CHRNA6: variants seen among roughly 807,000 people sequenced by gnomAD.
The protein encoded by CHRNA6 is neuronal acetylcholine receptor subunit alpha-6.
In CHRNA6, 31 loss-of-function variants were observed where a neutral mutation model predicts 40.9. The observed-to-expected ratio is 0.76, with a 90% CI of 0.57 to 1.02. The LOEUF (loss-of-function observed/expected upper bound fraction) is 1.02, where lower values mean the gene tolerates loss of function less well. Among genes scored for constraint, CHRNA6 ranks in the 50% least tolerant of loss-of-function variants. The pLI is 0.00. For missense variants in CHRNA6, 546 were observed against 596.6 expected (o/e 0.92, Z 0.88); for synonymous variants, 222 against 221.3 (o/e 1.00, Z -0.03).
At chr8:42,757,412 C>T (rs572124211) in intron 3 of CHRNA6, among the ~76,000 whole-genome samples, 2 of 148,796 alleles carry the variant, frequency 1.3e-5, no homozygotes, top group South Asian at 4.3e-4. Context: ...TATGATGGTT[C>T]AACAGTTGTT....
At position 42,757,007 on chromosome 8, in the gene CHRNA6, G is replaced by A; in HGVS notation, c.295C>T (p.Pro99Ser). ...IWNDYKLRWD[P>S]MEYDGIETLR... ...GTCTCAATGCCATCATATTCCATTG[G>A]ATCCCAGCGCAATTTATAATCATTC... The change falls in exon 4 of 6, where the codon CCA becomes TCA. Residue 99 changes from proline (P) to serine (S), a missense_variant. Around this residue, in one of 3 missense-constraint regions of CHRNA6, gnomAD observed 476 missense variants for 494.5 expected, o/e 0.96. Transcript: ENST00000276410. The A allele has an allele frequency of 1.2e-6, 2 of 1,612,638 alleles. No individual in the cohort carries two copies. The highest frequency in any genetic ancestry group is 1.7e-6 in the Non-Finnish European group (2 of 1,178,678).
rs1315046323 is a variant in CHRNA6, at chr8:42,757,737, A to AC, written c.265-701_265-700insG. Among the ~76,000 whole-genome samples the AC allele has an allele frequency of 4.8e-5, 7 of 146,356 alleles. No individual in the cohort carries two copies. In the East Asian group the frequency reaches 1.4e-3, roughly 29 times the overall value. ...GACGGACCGGGACTCTGTCTCAAAA[A>AC]AAAAAAAAAAAAGTGGCCCGGCGCG... is the stretch of plus-strand genomic sequence containing the variant. On this transcript the variant is annotated intron_variant, in intron 3 of 5. Coordinates refer to ENST00000276410, the MANE Select transcript of CHRNA6 (RefSeq NM_004198.3).
At chr8:42,758,944 G>C (rs1428042854) in intron 3 of CHRNA6, 125 bp downstream of exon 3, 1 of 749,884 alleles carries the variant, frequency 1.3e-6, no homozygotes, top group African/African-American at 1.7e-5. Flanking sequence ...CTGAACTTTA[G>C]GCTTTGGAGA....
chr8:42,761,180 C>T (rs1816899113), intron 2 of CHRNA6, among the ~76,000 whole-genome samples: 1 of 152,336 alleles, frequency 6.6e-6, no homozygotes, highest in South Asian at 2.1e-4. Flanking sequence ...TGTGACAAGA[C>T]AGGGTAAGCC....
At chr8:42,762,780 C>A (rs556466040) in intron 2 of CHRNA6, among the ~76,000 whole-genome samples, 3 of 152,104 alleles carry the variant, frequency 2.0e-5, no homozygotes, top group Non-Finnish European at 4.4e-5. Flanking sequence ...AGGGAAAAAC[C>A]CAGTCCCACA....
intron 3 of CHRNA6, among the ~76,000 whole-genome samples, chr8:42,758,403 C>T (rs974608551): frequency 1.3e-5 from 2 of 151,720 alleles, no homozygotes; most frequent in African/African-American, 4.8e-5. Context: ...CTCTGTTGCC[C>T]ATGCTGGAAT....
chr8:42,763,199 G>A (rs1816929388), intron 2 of CHRNA6, among the ~76,000 whole-genome samples: 1 of 152,170 alleles, frequency 6.6e-6, no homozygotes, highest in Non-Finnish European at 1.5e-5. Flanking sequence ...ATGAAAGAAG[G>A]AAGGAATCTT....
At chr8:42,757,194 C>T (rs1816817167) in intron 3 of CHRNA6, among the ~76,000 whole-genome samples, 157 bp from the exon 4 acceptor site, 1 of 150,586 alleles carries the variant, frequency 6.6e-6, no homozygotes, top group African/African-American at 2.4e-5. Context: ...AGTGAAACCC[C>T]GTCTCTACTA....
intron 3 of CHRNA6, among the ~76,000 whole-genome samples, chr8:42,758,030 G>A (rs1403753916): frequency 1.3e-5 from 2 of 150,974 alleles, no homozygotes; most frequent in African/African-American, 4.9e-5. Flanking sequence ...GCGAGACTCC[G>A]TCTCAAAAAA....
At chr8:42,767,052 C>T (rs1329327429) in intron 1 of CHRNA6, among the ~76,000 whole-genome samples, 1 of 152,182 alleles carries the variant, frequency 6.6e-6, no homozygotes, top group Non-Finnish European at 1.5e-5. Context: ...ACTGCAAGCT[C>T]CGCCTCCCAG....
intron 5 of CHRNA6, 40 bp downstream of exon 5, chr8:42,755,806 A>T (rs911453425): frequency 1.3e-6 from 2 of 1,581,528 alleles, no homozygotes; most frequent in Non-Finnish European, 1.7e-6. Flanking sequence ...ATAGGCTGCA[A>T]AGGGTGCAAG....
In CHRNA6 at chr8:42,756,516, G is replaced by C. The variant is rs574697613; in HGVS notation, c.683C>G (p.Thr228Arg). The change falls in exon 5 of 6, where the codon ACA becomes AGA. Residue 228 changes from threonine (T) to arginine (R), a missense_variant. Coordinates refer to ENST00000276410, the MANE Select transcript of CHRNA6 (RefSeq NM_004198.3). ...IKYNCCEEIY[T>R]DITYSFYIRR... ...AATGTAGAAAGAATAGGTTATATCT[G>C]TGTATATCTCTTCACAACAGTTGTA... The C allele has an allele frequency of 2.0e-5, 33 of 1,613,838 alleles. 2 individuals are homozygous for C. The South Asian group carries it at 3.2e-4, about 16-fold the overall frequency.
chr8:42,758,914 C>A (rs548750463), intron 3 of CHRNA6, among the ~76,000 whole-genome samples, 155 bp downstream of exon 3: 1 of 152,290 alleles, frequency 6.6e-6, no homozygotes, highest in East Asian at 1.9e-4. Context: ...AAGCATGCAT[C>A]AAGTCAGCTA....
At chr8:42,759,729 C>A (rs1387650199) in intron 2 of CHRNA6, among the ~76,000 whole-genome samples, 1 of 152,030 alleles carries the variant, frequency 6.6e-6, no homozygotes, top group African/African-American at 2.4e-5. Context: ...GAAACCCCGT[C>A]TCTACTAAAA....
intron 3 of CHRNA6, among the ~76,000 whole-genome samples, chr8:42,757,829 C>T (rs112141486): frequency 0.015 from 2,231 of 149,956 alleles, 56 homozygotes; most frequent in African/African-American, 0.052. Flanking sequence ...GTCAGGAGAT[C>T]GAGACCATCC....
At position 42,756,009 on chromosome 8, in the gene CHRNA6, T is replaced by C. The variant is rs775098974; in HGVS notation, c.1190A>G (p.His397Arg). ...GEPRHLKECF[H>R]CHKSNELATS... The stretch of plus-strand genomic sequence containing the variant: ...GGCAAGCTCATTTGATTTGTGACAA[T>C]GGAAGCATTCTTTAAGATGTCTGGG... Residue 397 changes from histidine to arginine, a missense_variant, in exon 5 of 6, where the codon CAT becomes CGT. Physicochemically the swap from His to Arg is conservative, Grantham distance 29. Around this residue, in one of 3 missense-constraint regions of CHRNA6, gnomAD observed 476 missense variants for 494.5 expected, o/e 0.96. Transcript: ENST00000276410. The C allele has an allele frequency of 1.2e-6, 2 of 1,614,264 alleles. No individual in the cohort carries two copies. The highest frequency in any genetic ancestry group is 2.2e-5 in the East Asian group (1 of 44,882).
intron 2 of CHRNA6, among the ~76,000 whole-genome samples, chr8:42,760,925 G>A (rs1816896244): frequency 1.3e-5 from 2 of 152,140 alleles, no homozygotes; most frequent in South Asian, 4.1e-4. Flanking sequence ...TATGTCCCCA[G>A]TGGCCAGCAG....
chr8:42,755,797 T>C (rs1816788962), intron 5 of CHRNA6, 49 bp downstream of exon 5: 5 of 1,571,120 alleles, frequency 3.2e-6, no homozygotes, highest in South Asian at 1.2e-5. Flanking sequence ...AGAGTGCCCA[T>C]AGGCTGCAAA....
In CHRNA6 at chr8:42,756,416, G is replaced by A. The variant is rs1816801392; in HGVS notation, c.783C>T (p.Val261=). The change falls in exon 5 of 6, where the codon GTC becomes GTT. Residue 261 remains valine, a synonymous_variant. Transcript: ENST00000276410. ...CLFISFLTVL[V]FYLPSDCGEK... ...CACCACAGTCCGAAGGAAGGTAAAA[G>A]ACCAACACGGTTAGAAATGAAATAA... 6.2e-7 allele frequency: 1 copy of A among 1,614,084 alleles called. No homozygotes were observed. Among genetic ancestry groups the A allele is most frequent in the Admixed American group, 1.7e-5 (1 of 60,004 alleles).
Sources: allele counts gnomAD v4.1 joint callset (sites outside exome capture counted in the v4.1 genomes callset), GRCh38; gene constraint gnomAD v4.1.1; regional missense constraint gnomAD v4.1.1; transcripts MANE v1.5; gene names NCBI Gene and HGNC (gene_info 2026-07-23, HGNC 2026-07-21).